The following PRKG1 variants were observed in gnomAD, a reference collection of about 807,000 sequenced individuals.
The protein encoded by PRKG1 is cGMP-dependent protein kinase 1.
PRKG1 carries 35 observed loss-of-function variants against 88.1 expected under a neutral mutation model. The ratio of observed to expected loss-of-function variants is 0.40; its 90% confidence interval spans 0.30 to 0.53. The LOEUF (loss-of-function observed/expected upper bound fraction) is 0.53. Among genes scored for constraint, PRKG1 ranks in the 20% least tolerant of loss-of-function variants. The pLI is 0.59. For synonymous variants in PRKG1, 303 were observed against 292.5 expected, an observed-to-expected ratio of 1.04 and a Z score of -0.37; for missense variants, 540 against 839.8, an observed-to-expected ratio of 0.64 and a Z score of 4.41.
intron 3 of PRKG1, among the ~76,000 whole-genome samples, chr10:51,731,098 G>C (rs1191096907): frequency 6.6e-6 from 1 of 152,174 alleles, no homozygotes; most frequent in Non-Finnish European, 1.5e-5. Flanking sequence ...AGAGGTTGCA[G>C]TGAGCCGACA....
intron 2 of PRKG1, among the ~76,000 whole-genome samples, chr10:51,175,566 A>G (rs1448063228): frequency 1.3e-5 from 2 of 152,056 alleles, no homozygotes; most frequent in Non-Finnish European, 2.9e-5. Context: ...CCTCATTCAA[A>G]TCCTTTCCCA....
upstream of PRKG1, chr10:51,074,414 G>A: frequency 7.0e-7 from 1 of 1,437,912 alleles, no homozygotes; most frequent in Non-Finnish European, 9.2e-7. Flanking sequence ...TGAAACTCTG[G>A]GTGGCTGGAG....
chr10:51,697,579 G>T, intron 3 of PRKG1: 1 of 963,184 alleles, frequency 1.0e-6, no homozygotes, highest in Non-Finnish European at 1.6e-6. Context: ...AATAAGATTA[G>T]GTTCTAGGAG....
chr10:51,667,385 C>T (rs967316322), intron 3 of PRKG1, among the ~76,000 whole-genome samples: 2 of 152,108 alleles, frequency 1.3e-5, no homozygotes, highest in Non-Finnish European at 2.9e-5. Flanking sequence ...GTACAGCCTT[C>T]CTTCTGTTAT....
chr10:51,507,772 A>G (rs1286560832), intron 3 of PRKG1, among the ~76,000 whole-genome samples: 1 of 152,100 alleles, frequency 6.6e-6, no homozygotes, highest in Non-Finnish European at 1.5e-5. Flanking sequence ...CACTTTGGAA[A>G]AGGAAGGCTA....
intron 2 of PRKG1, among the ~76,000 whole-genome samples, chr10:51,309,656 T>A (rs911823150): frequency 6.6e-6 from 1 of 151,866 alleles, no homozygotes; most frequent in Admixed American, 6.6e-5. Context: ...GAATATAAGT[T>A]AGAACAACCT....
At chr10:51,060,257 AGTAACT>A (rs1188472695) in intron 1 of PRKG1, among the ~76,000 whole-genome samples, 1 of 152,052 alleles carries the variant, frequency 6.6e-6, no homozygotes, top group Non-Finnish European at 1.5e-5. Flanking sequence ...GTCTTTGTTT[AGTAACT>A]GGAGTAATCT....
Position 51,697,545 on chromosome 10 carries a change from C to T in PRKG1, c.593-107040C>T, listed in dbSNP as rs973803541. On this transcript the variant is annotated intron_variant, in intron 3 of 17. Coordinates refer to ENST00000373980, the MANE Select transcript of PRKG1 (RefSeq NM_006258.4). Reference sequence around the variant, plus strand: ...CCCTCAATTAAAAAAAAAAGGAAAACAGAAAGAAAGAAAAAGAACAAAAAA... The same window carrying T: ...CCCTCAATTAAAAAAAAAAGGAAAATAGAAAGAAAGAAAAAGAACAAAAAA... The T allele has an allele frequency of 2.6e-5, 20 of 760,032 alleles. No homozygotes were observed. The African/African-American group carries it at 2.7e-4, about 10-fold the overall frequency. 47.1% of individuals were successfully genotyped at this position (760,032 alleles called of 1,614,324 possible).
At chr10:52,290,898 T>TACATGATC (rs1842224087) in intron 17 of PRKG1, among the ~76,000 whole-genome samples, 1 of 151,386 alleles carries the variant, frequency 6.6e-6, no homozygotes, top group South Asian at 2.1e-4. Flanking sequence ...AAAGAGTCTT[T>TACATGATC]ACATGATCAC....
intron 4 of PRKG1, among the ~76,000 whole-genome samples, chr10:51,883,779 A>T (rs147250333): frequency 6.6e-6 from 1 of 152,300 alleles, no homozygotes; most frequent in African/African-American, 2.4e-5. Context: ...AATGTACTTT[A>T]AAAATAATCT....
rs534025872 is a variant in PRKG1 at position 51,837,957 on chromosome 10, T to C, written c.698+33267T>C. ...AGAGAGAAAGTTGCTGCATCCATTG[T>C]TCGTCAAGGATGAGTCTCACTGCAT... On this transcript the variant is annotated intron_variant, in intron 4 of 17. Transcript: ENST00000373980. Among the ~76,000 whole-genome samples, 149 of 152,308 alleles carry C rather than the reference T, an allele frequency of 9.8e-4. 2 individuals are homozygous for C. The Middle Eastern group carries it at 0.017, about 17-fold the overall frequency.
intron 4 of PRKG1, among the ~76,000 whole-genome samples, chr10:51,852,024 C>T (rs757283337): frequency 5.3e-5 from 8 of 151,702 alleles, no homozygotes; most frequent in Non-Finnish European, 7.4e-5. Flanking sequence ...GCAACCATAT[C>T]GGCAGGCTCT....
intron 9 of PRKG1, among the ~76,000 whole-genome samples, chr10:52,212,355 C>T (rs539622357): frequency 2.6e-5 from 4 of 152,206 alleles, no homozygotes; most frequent in East Asian, 1.9e-4. Context: ...ATGGAGAAAC[C>T]TTTAGGGTGA....
At chr10:51,458,918 A>G (rs963222776) in intron 2 of PRKG1, among the ~76,000 whole-genome samples, 4 of 152,162 alleles carry the variant, frequency 2.6e-5, no homozygotes, top group South Asian at 2.1e-4. Context: ...TTTGATATAC[A>G]TAGGTGTCAT....
In PRKG1 at chr10:52,185,393, C is replaced by T. The variant is rs537083453; in HGVS notation, c.1076+23430C>T. ...TAGTGCAAGAAATGGTCTCCCAAGC[C>T]CACTTGAGTAGCTCCACCCCTGTGG... On this transcript the variant is annotated intron_variant, in intron 9 of 17. Coordinates refer to ENST00000373980, the MANE Select transcript of PRKG1 (RefSeq NM_006258.4). Among the ~76,000 whole-genome samples the T allele has an allele frequency of 3.9e-5, 6 of 152,314 alleles. No homozygotes were observed. In the South Asian group the frequency reaches 1.0e-3, roughly 26 times the overall value.
chr10:51,468,906 T>C (rs1018088112), intron 3 of PRKG1, among the ~76,000 whole-genome samples: 2 of 151,922 alleles, frequency 1.3e-5, no homozygotes, highest in Non-Finnish European at 2.9e-5. Flanking sequence ...AATTGTCTTA[T>C]ACATCTTATT....
intron 2 of PRKG1, among the ~76,000 whole-genome samples, chr10:51,293,777 T>G (rs1021167747): frequency 6.6e-6 from 1 of 152,170 alleles, no homozygotes; most frequent in Non-Finnish European, 1.5e-5. Context: ...GTTTTTACCT[T>G]TCTGAGGAAC....
At chr10:51,175,358 T>A (rs1216523858) in intron 2 of PRKG1, among the ~76,000 whole-genome samples, 1 of 152,010 alleles carries the variant, frequency 6.6e-6, no homozygotes, top group African/African-American at 2.4e-5. Flanking sequence ...CACACATTAG[T>A]TTCTACCAAT....
intron 8 of PRKG1, among the ~76,000 whole-genome samples, chr10:52,159,886 G>A (rs991531072): frequency 6.6e-6 from 1 of 151,772 alleles, no homozygotes; most frequent in African/African-American, 2.4e-5. Context: ...AATTATTGCT[G>A]TTTGGTTTTC....
Sources: gnomAD v4.1 joint callset for allele counts (sites outside exome capture counted in the v4.1 genomes callset) on GRCh38, gnomAD v4.1.1 for gene constraint, MANE v1.5 for transcripts, NCBI Gene and HGNC (gene_info 2026-07-23, HGNC 2026-07-21) for gene names.